The following EEPD1 variants were observed in gnomAD, a reference collection of about 807,000 sequenced individuals.
The protein encoded by EEPD1 is endonuclease/exonuclease/phosphatase family domain-containing protein 1.
EEPD1 carries 17 observed loss-of-function variants against 46.3 expected under a neutral mutation model. The observed-to-expected ratio is 0.37, with a 90% CI of 0.25 to 0.55. EEPD1 has a LOEUF of 0.55. EEPD1 is among the 20% of genes least tolerant of loss of function. EEPD1 has a pLI of 0.83. For synonymous variants in EEPD1, 313 were observed against 315.6 expected (o/e 0.99, Z 0.09); for missense variants, 673 against 745.6 (o/e 0.90, Z 1.13).
intron 2 of EEPD1, among the ~76,000 whole-genome samples, chr7:36,160,533 T>A (rs958396321): frequency 9.6e-6 from 1 of 104,390 alleles, no homozygotes; most frequent in African/African-American, 3.7e-5. Context: ...GAGTGGCGGG[T>A]GGGTGGGGCC....
chr7:36,191,882 G>A (rs1785467186), intron 2 of EEPD1, among the ~76,000 whole-genome samples: 2 of 152,178 alleles, frequency 1.3e-5, no homozygotes, highest in Non-Finnish European at 2.9e-5. Context: ...TTCTGGTGTG[G>A]GAGTCTGGGA....
chr7:36,287,289 C>T (rs1787355040), intron 5 of EEPD1, among the ~76,000 whole-genome samples: 1 of 147,540 alleles, frequency 6.8e-6, no homozygotes, highest in Non-Finnish European at 1.5e-5. Flanking sequence ...GCATAAGCCA[C>T]CATGCCTGGC....
chr7:36,262,998 A>G (rs1786954550), intron 3 of EEPD1, among the ~76,000 whole-genome samples: 1 of 152,150 alleles, frequency 6.6e-6, no homozygotes, highest in Non-Finnish European at 1.5e-5. Flanking sequence ...CTGACTAGCT[A>G]CATGCTCTAA....
At chr7:36,286,056 G>A (rs1583479144) in intron 5 of EEPD1, among the ~76,000 whole-genome samples, 1 of 152,016 alleles carries the variant, frequency 6.6e-6, no homozygotes, top group Non-Finnish European at 1.5e-5. Flanking sequence ...CTTTTTTTAT[G>A]TCAAGTTCCT....
chr7:36,239,145 C>G, intron 3 of EEPD1, 109 bp downstream of exon 3: 1 of 1,101,388 alleles, frequency 9.1e-7, no homozygotes, highest in Non-Finnish European at 1.3e-6. Flanking sequence ...AAAAGACGGT[C>G]AGTTATTTTG....
chr7:36,292,563 A>C (rs1787464154), intron 6 of EEPD1, among the ~76,000 whole-genome samples: 1 of 150,894 alleles, frequency 6.6e-6, no homozygotes, highest in South Asian at 2.1e-4. Context: ...GCTGGAGTGC[A>C]GTGGAGCCAT....
chr7:36,284,908 A>G, intron 5 of EEPD1, 88 bp downstream of exon 5: 1 of 1,391,608 alleles, frequency 7.2e-7, no homozygotes, highest in Non-Finnish European at 9.3e-7. Flanking sequence ...CATGAGTAAG[A>G]GAAGTCTCGT....
chr7:36,230,918 T>C (rs1221186276), intron 2 of EEPD1: 2 of 152,236 alleles, frequency 1.3e-5, no homozygotes, highest in Non-Finnish European at 2.9e-5. Context: ...TCATGGACTA[T>C]ACTATGTCAT....
intron 5 of EEPD1, among the ~76,000 whole-genome samples, chr7:36,287,189 A>T (rs1787352944): frequency 7.3e-6 from 1 of 136,464 alleles, no homozygotes; most frequent in Non-Finnish European, 1.5e-5. Flanking sequence ...GTGAGCTGAG[A>T]TCATGCCACT....
intron 3 of EEPD1, among the ~76,000 whole-genome samples, chr7:36,250,236 T>A (rs921332929): frequency 6.6e-6 from 1 of 152,114 alleles, no homozygotes; most frequent in Non-Finnish European, 1.5e-5. Context: ...GAAAAAAAAA[T>A]TAAAAATACT....
rs550275402 is a variant in EEPD1, at chr7:36,193,540, T to C, written c.878+38338T>C. ...CACCCAGGGCTGGGCTCTGGGTGTA[T>C]CTTCTGTGTTTTGATGGAGTGCTGC... On this transcript the variant is annotated intron_variant, in intron 2 of 7. Coordinates refer to ENST00000242108, the MANE Select transcript of EEPD1 (RefSeq NM_030636.3). This position sits in a 1 kb window ranked among gnomAD's most constrained non-coding sequence, Gnocchi z 4.9. Among the ~76,000 whole-genome samples the C allele has an allele frequency of 4.6e-5, 7 of 152,128 alleles. No individual in the cohort carries two copies. The South Asian group carries it at 1.2e-3, about 27-fold the overall frequency.
intron 2 of EEPD1, among the ~76,000 whole-genome samples, chr7:36,156,851 T>C (rs1784833147): frequency 2.0e-5 from 3 of 152,164 alleles, no homozygotes; most frequent in Admixed American, 2.0e-4. Flanking sequence ...TGTCCCTCTG[T>C]CTCTTGGAAG....
intron 3 of EEPD1, among the ~76,000 whole-genome samples, chr7:36,257,095 G>A (rs1476999946): frequency 1.3e-5 from 2 of 152,188 alleles, no homozygotes; most frequent in Non-Finnish European, 1.5e-5. Flanking sequence ...ATTTTGGCTA[G>A]ATATGAAATT....
chr7:36,228,632 TAC>T (rs1295681821), intron 2 of EEPD1: 2 of 152,258 alleles, frequency 1.3e-5, no homozygotes, highest in African/African-American at 4.8e-5. Context: ...GCCAGGATTT[TAC>T]ACAGTTGTGT....
rs370097837 is a variant in EEPD1, at chr7:36,154,580, G to A, written c.256G>A (p.Val86Ile). ...GGAGGACCTGGCATTGGTCAGTGGT[G>A]TAGGCGCCACCAAGCTGGAGCAGGT... ...KVEDLALVSG[V>I]GATKLEQVKF... is the part of the protein sequence containing the mutation. The change falls in exon 2 of 8, where the codon GTA becomes ATA. Residue 86 changes from valine (V) to isoleucine (I), a missense_variant. Physicochemically the swap from Val to Ile is conservative, Grantham distance 29. Coordinates refer to ENST00000242108, the MANE Select transcript of EEPD1 (RefSeq NM_030636.3). The surrounding 1 kb of genome is among the most constrained non-coding windows in gnomAD (Gnocchi z 4.2). 5.0e-6 allele frequency: 8 copies of A among 1,614,014 alleles called. No individual in the cohort carries two copies. The highest frequency in any genetic ancestry group is 4.5e-5 in the East Asian group (2 of 44,890).
intron 3 of EEPD1, among the ~76,000 whole-genome samples, chr7:36,268,258 T>C (rs1347537010): frequency 6.6e-6 from 1 of 152,066 alleles, no homozygotes; most frequent in African/African-American, 2.4e-5. Context: ...TTCAGGTGAT[T>C]CTCTTGCCTC....
chr7:36,268,297 A>G (rs1251859444), intron 3 of EEPD1, among the ~76,000 whole-genome samples: 1 of 152,072 alleles, frequency 6.6e-6, no homozygotes, highest in African/African-American at 2.4e-5. Flanking sequence ...GATTATAGGC[A>G]TCCACCACCG....
rs58453300 is a variant in EEPD1 at position 36,278,518 on chromosome 7, C to T, written c.931-2597C>T. The stretch of plus-strand genomic sequence containing the variant: ...CTTGGTGGGGGGGCGGTGGGGGGGG[C>T]GCTTCTTAAAAATAGAGCTTTCCAG... On this transcript the variant is annotated intron_variant, in intron 3 of 7. Coordinates refer to ENST00000242108, the MANE Select transcript of EEPD1 (RefSeq NM_030636.3). Among the ~76,000 whole-genome samples, 369 of 149,714 alleles carry T rather than the reference C, an allele frequency of 2.5e-3. 2 individuals carry two copies. The highest frequency in any genetic ancestry group is 8.2e-3 in the African/African-American group (333 of 40,692).
chr7:36,240,072 C>T (rs1333929554), intron 3 of EEPD1, among the ~76,000 whole-genome samples: 2 of 152,022 alleles, frequency 1.3e-5, no homozygotes, highest in Admixed American at 6.6e-5. Context: ...AGTTTGAGAC[C>T]AGCCTGGGCA....
Sources: gnomAD v4.1 joint callset for allele counts (sites outside exome capture counted in the v4.1 genomes callset) on GRCh38, gnomAD v4.1.1 for gene constraint, Gnocchi (gnomAD v3.1) non-coding constraint, MANE v1.5 for transcripts, NCBI Gene and HGNC (gene_info 2026-07-23, HGNC 2026-07-21) for gene names.